The following RASGRF2 variants were observed in gnomAD, a reference collection of about 807,000 sequenced individuals.
The protein encoded by RASGRF2 is Ras protein specific guanine nucleotide releasing factor 2.
In RASGRF2, 76 loss-of-function variants were observed where a neutral mutation model predicts 151.0. That is an observed-to-expected ratio of 0.50 (90% CI 0.42 to 0.61). The LOEUF is 0.61. Ranked by LOEUF, RASGRF2 falls within the 20% of genes least tolerant of loss-of-function variation. The probability of loss-of-function intolerance (pLI) is 0.00; values close to 1 mark genes in which losing one functional copy is unlikely to be tolerated. For synonymous variants in RASGRF2, 504 were observed against 566.5 expected (o/e 0.89, Z 1.57); for missense variants, 1,148 against 1,564.6 (o/e 0.73, Z 4.49).
At chr5:81,150,599 C>A (rs932421196) in intron 17 of RASGRF2, among the ~76,000 whole-genome samples, 1 of 152,112 alleles carries the variant, frequency 6.6e-6, no homozygotes, top group African/African-American at 2.4e-5. Flanking sequence ...GGATTTCTTC[C>A]TGACTCACTT....
intron 19 of RASGRF2, among the ~76,000 whole-genome samples, chr5:81,202,997 T>C (rs1237877854): frequency 6.6e-6 from 1 of 152,244 alleles, no homozygotes; most frequent in Non-Finnish European, 1.5e-5. Context: ...TTTGTGGGAT[T>C]TTATTAAGGC....
At chr5:81,046,874 G>C (rs1750852172) in intron 2 of RASGRF2, among the ~76,000 whole-genome samples, 1 of 152,094 alleles carries the variant, frequency 6.6e-6, no homozygotes, top group Non-Finnish European at 1.5e-5. Context: ...AGATAGTCAT[G>C]GCCTGGACAT....
rs1018789666 is a variant in RASGRF2 at position 81,178,853 on chromosome 5, C to T, written c.2687-1322C>T. On this transcript the variant is annotated intron_variant, in intron 17 of 26. Coordinates refer to ENST00000265080, the MANE Select transcript of RASGRF2 (RefSeq NM_006909.3). Reference sequence around the variant, plus strand: ...CCCCGGGTTCACGCCATTCTCCTGCCTCAGCCTCCCGAGAGGCTGGGACTA... The same window carrying T: ...CCCCGGGTTCACGCCATTCTCCTGCTTCAGCCTCCCGAGAGGCTGGGACTA... Among the ~76,000 whole-genome samples, 9 of 152,292 alleles carry T rather than the reference C, an allele frequency of 5.9e-5. 1 individual carries two copies. The highest frequency in any genetic ancestry group is 5.2e-4 in the Admixed American group (8 of 15,304).
At chr5:81,202,118 G>T (rs1412722430) in intron 19 of RASGRF2, among the ~76,000 whole-genome samples, 2 of 152,082 alleles carry the variant, frequency 1.3e-5, no homozygotes, top group Non-Finnish European at 2.9e-5. Context: ...TGAACTGGTG[G>T]GTGGATTTTT....
intron 17 of RASGRF2, among the ~76,000 whole-genome samples, chr5:81,130,357 A>G (rs191281706): frequency 2.7e-3 from 414 of 152,320 alleles, no homozygotes; most frequent in Non-Finnish European, 4.4e-3. Flanking sequence ...AACAGTGCCC[A>G]TGGCTCTGCT....
chr5:81,046,762 G>A (rs1030844864), intron 2 of RASGRF2, among the ~76,000 whole-genome samples: 1 of 152,138 alleles, frequency 6.6e-6, no homozygotes, highest in African/African-American at 2.4e-5. Flanking sequence ...ATCAAAAACT[G>A]ACCTGGTTGA....
At chr5:81,155,436 C>G (rs1754238016) in intron 17 of RASGRF2, among the ~76,000 whole-genome samples, 1 of 152,096 alleles carries the variant, frequency 6.6e-6, no homozygotes, top group African/African-American at 2.4e-5. Flanking sequence ...ATCAACAAAA[C>G]TGACAAATCT....
intron 17 of RASGRF2, among the ~76,000 whole-genome samples, chr5:81,159,683 CTG>C (rs1387803084): frequency 6.6e-6 from 1 of 152,138 alleles, no homozygotes; most frequent in Non-Finnish European, 1.5e-5. Flanking sequence ...TCAGTGAACT[CTG>C]TGTGGGTGAA....
At chr5:80,987,605 A>G (rs1748513410) in intron 1 of RASGRF2, among the ~76,000 whole-genome samples, 2 of 152,138 alleles carry the variant, frequency 1.3e-5, no homozygotes, top group South Asian at 4.1e-4. Context: ...CAAGGGAGGG[A>G]GCACAGGGAG....
At chr5:81,149,853 G>C (rs1479595261) in intron 17 of RASGRF2, among the ~76,000 whole-genome samples, 1 of 152,094 alleles carries the variant, frequency 6.6e-6, no homozygotes, top group Non-Finnish European at 1.5e-5. Flanking sequence ...TTCCAGTCTT[G>C]ATTTTTGAAA....
intron 1 of RASGRF2, among the ~76,000 whole-genome samples, chr5:81,017,000 C>T (rs989642347): frequency 7.9e-5 from 12 of 152,160 alleles, no homozygotes; most frequent in Non-Finnish European, 1.8e-4. Context: ...CACACTGGGT[C>T]GTACTGTTTT....
At chr5:81,013,100 A>T (rs1168856087) in intron 1 of RASGRF2, among the ~76,000 whole-genome samples, 1 of 152,122 alleles carries the variant, frequency 6.6e-6, no homozygotes, top group Non-Finnish European at 1.5e-5. Context: ...ATATTCTGTT[A>T]TTTTCCTCTG....
Position 81,229,427 on chromosome 5 carries a change from G to C in RASGRF2, c.*3657G>C, listed in dbSNP as rs1175589732. 6.6e-6 allele frequency: 1 copy of C among 152,136 alleles called. No individual in the cohort carries two copies. Among genetic ancestry groups the C allele is most frequent in the Non-Finnish European group, 1.5e-5 (1 of 68,020 alleles). 9.4% of individuals were successfully genotyped at this position (152,136 alleles called of 1,614,324 possible). On this transcript the variant is annotated 3_prime_UTR_variant, in exon 27 of 27. Transcript: ENST00000265080. ...TACCACCGTGTAATAGAAGACTTAA[G>C]TCAATGAAATCTAATCAGTGTGTCA...
At chr5:80,987,046 T>C (rs1367060125) in intron 1 of RASGRF2, among the ~76,000 whole-genome samples, 1 of 152,216 alleles carries the variant, frequency 6.6e-6, no homozygotes, top group Admixed American at 6.5e-5. Context: ...CTTGAAATGC[T>C]CTCCAGCTTT....
intron 1 of RASGRF2, among the ~76,000 whole-genome samples, chr5:81,042,210 A>G (rs943672329): frequency 3.9e-5 from 6 of 152,164 alleles, no homozygotes; most frequent in African/African-American, 1.2e-4. Context: ...CTTTCATCCA[A>G]CAATAACTTA....
chr5:81,150,733 G>C (rs2112619168), intron 17 of RASGRF2, among the ~76,000 whole-genome samples: 1 of 152,220 alleles, frequency 6.6e-6, no homozygotes, highest in Admixed American at 6.5e-5. Flanking sequence ...AAACTAAAAA[G>C]TTTAAATTTA....
At chr5:81,105,190 C>T (rs1458534520) in intron 12 of RASGRF2, among the ~76,000 whole-genome samples, 1 of 152,196 alleles carries the variant, frequency 6.6e-6, no homozygotes, top group African/African-American at 2.4e-5. Flanking sequence ...CCCTTCCATT[C>T]TCTGACTGTT....
At chr5:81,074,883 AC>A (rs1751891844) in intron 5 of RASGRF2, among the ~76,000 whole-genome samples, 1 of 152,110 alleles carries the variant, frequency 6.6e-6, no homozygotes, top group Non-Finnish European at 1.5e-5. Context: ...CAGCTTGAGG[AC>A]CTGCCCTGCT....
chr5:81,186,297 A>G (rs1755024513), intron 18 of RASGRF2, among the ~76,000 whole-genome samples: 1 of 152,142 alleles, frequency 6.6e-6, no homozygotes, highest in African/African-American at 2.4e-5. Context: ...CCAGGTCAAG[A>G]TCTGGGACAT....
Sources: gnomAD v4.1 joint callset for allele counts (sites outside exome capture counted in the v4.1 genomes callset) on GRCh38, gnomAD v4.1.1 for gene constraint, MANE v1.5 for transcripts, NCBI Gene and HGNC (gene_info 2026-07-23, HGNC 2026-07-21) for gene names.